The following KYAT1 variants were observed in gnomAD, a reference collection of about 807,000 sequenced individuals.
KYAT1 encodes kynurenine--oxoglutarate transaminase 1.
Under a neutral mutation model 52.4 loss-of-function variants are expected in KYAT1, and 47 were observed. The observed-to-expected ratio is 0.90, with a 90% CI of 0.71 to 1.14. The LOEUF is 1.14. Among genes scored for constraint, KYAT1 ranks in the 50% most tolerant of loss-of-function variants. The pLI, the probability that KYAT1 is intolerant of heterozygous loss-of-function variation, is 0.00. For missense variants in KYAT1, 480 were observed against 557.9 expected, an observed-to-expected ratio of 0.86 and a Z score of 1.41; for synonymous variants, 212 against 209.6, an observed-to-expected ratio of 1.01 and a Z score of -0.10.
intron 1 of KYAT1, among the ~76,000 whole-genome samples, chr9:128,876,406 G>GTTTTTTTT (rs1490341638): frequency 8.8e-6 from 1 of 113,170 alleles, no homozygotes; most frequent in Non-Finnish European, 1.9e-5. Flanking sequence ...GTCATCCTTT[G>GTTTTTTTT]TTCTTTTTTT....
rs779919496 is a variant in KYAT1 at position 128,845,341 on chromosome 9, C to T, written c.53+12G>A. On this transcript the variant is annotated intron_variant, in intron 2 of 12. Coordinates refer to ENST00000302586, the MANE Select transcript of KYAT1 (RefSeq NM_004059.5). Reference sequence around the variant, plus strand: ...GGGACACCCACACACCTCCCCAGCCCAGCTGGCTCACCAGGGGTTGTAGTC... The same window carrying T: ...GGGACACCCACACACCTCCCCAGCCTAGCTGGCTCACCAGGGGTTGTAGTC... 6.2e-6 allele frequency: 10 copies of T among 1,613,080 alleles called. No homozygotes were observed. The South Asian group carries it at 1.1e-4, about 18-fold the overall frequency.
intron 1 of KYAT1, among the ~76,000 whole-genome samples, chr9:128,867,998 C>T (rs1836652283): frequency 6.6e-6 from 1 of 152,130 alleles, no homozygotes; most frequent in East Asian, 1.9e-4. Context: ...TGGTCTCGAT[C>T]TCCTGACCTC....
chr9:128,864,507 A>G (rs931026283), intron 1 of KYAT1, among the ~76,000 whole-genome samples: 2 of 152,142 alleles, frequency 1.3e-5, no homozygotes, highest in East Asian at 3.9e-4. Flanking sequence ...CTCTGTACCC[A>G]TTAAACAATT....
rs768567642 is a variant in KYAT1, at chr9:128,842,807, T to C, written c.54-6A>G. On this transcript the variant is annotated splice_polypyrimidine_tract_variant and splice_region_variant and intron_variant, in intron 2 of 12. Coordinates refer to ENST00000302586, the MANE Select transcript of KYAT1 (RefSeq NM_004059.5). ...CCAGTTTCACAAACTCCACCCTGGG[T>C]AACAAATGGAGAATCAGCACCAGCC... 1 of 1,612,104 alleles carries C rather than the reference T, an allele frequency of 6.2e-7. No individual in the cohort carries two copies. Among genetic ancestry groups the C allele is most frequent in the Non-Finnish European group, 8.5e-7 (1 of 1,179,028 alleles).
At chr9:128,837,601 G>A (rs1831347769) in intron 6 of KYAT1, 84 bp downstream of exon 6, 6 of 1,505,260 alleles carry the variant, frequency 4.0e-6, no homozygotes, top group Admixed American at 1.8e-5. Context: ...CGAAGAAACG[G>A]AGGCCCCACA....
At chr9:128,880,694 A>C (rs897375180) in intron 1 of KYAT1, among the ~76,000 whole-genome samples, 1 of 151,884 alleles carries the variant, frequency 6.6e-6, no homozygotes, top group African/African-American at 2.4e-5. Context: ...CGCCCGCCTC[A>C]GCCTCCCAAA....
intron 1 of KYAT1, among the ~76,000 whole-genome samples, chr9:128,863,491 A>G (rs1212046360): frequency 6.6e-6 from 1 of 151,768 alleles, no homozygotes; most frequent in South Asian, 2.1e-4. Flanking sequence ...CCAAAACAAC[A>G]AAAGGATCCA....
chr9:128,858,772 C>T (rs1458209552), intron 1 of KYAT1, among the ~76,000 whole-genome samples: 1 of 151,852 alleles, frequency 6.6e-6, no homozygotes, highest in African/African-American at 2.4e-5. Context: ...CTTCGGGAGG[C>T]TGAGGTGGGC....
chr9:128,847,111 C>T (rs1833222885), intron 1 of KYAT1, among the ~76,000 whole-genome samples: 1 of 152,134 alleles, frequency 6.6e-6, no homozygotes, highest in Non-Finnish European at 1.5e-5. Context: ...TGAGTAAGTG[C>T]CAGGTCTTCC....
chr9:128,836,991 G>T (rs1831243824), intron 6 of KYAT1, 69 bp from the exon 7 acceptor site: 2 of 1,561,842 alleles, frequency 1.3e-6, no homozygotes. Flanking sequence ...CCTACTCAGA[G>T]AGGTTAAAGA....
chr9:128,846,337 C>A (rs1442234261), intron 1 of KYAT1, among the ~76,000 whole-genome samples: 1 of 152,094 alleles, frequency 6.6e-6, no homozygotes, highest in Admixed American at 6.6e-5. Flanking sequence ...GGCTGAGGCA[C>A]AAGAATCACT....
rs762306584 is a variant in KYAT1, at chr9:128,842,634, C to T, written c.201+20G>A. ...TCCCCTTCCTCCCCCAGTGCCTCCA[C>T]GAGAGATGGGGAGACTCACAAATGT... is the stretch of plus-strand genomic sequence containing the variant. On this transcript the variant is annotated intron_variant, in intron 3 of 12. Coordinates refer to ENST00000302586, the MANE Select transcript of KYAT1 (RefSeq NM_004059.5). 49 of 1,609,250 alleles carry T rather than the reference C, an allele frequency of 3.0e-5. No homozygotes were observed. Among genetic ancestry groups the T allele is most frequent in the Middle Eastern group, 1.6e-4 (1 of 6,062 alleles).
intron 1 of KYAT1, among the ~76,000 whole-genome samples, chr9:128,863,480 AC>A (rs544926438): frequency 4.3e-4 from 65 of 151,648 alleles, no homozygotes; most frequent in African/African-American, 1.3e-3. Context: ...AAAAAAAAAA[AC>A]CAAAACAACA....
At chr9:128,857,267 A>G (rs201491623) in intron 1 of KYAT1, among the ~76,000 whole-genome samples, 2 of 152,216 alleles carry the variant, frequency 1.3e-5, no homozygotes, top group East Asian at 1.9e-4. Flanking sequence ...CTGAGATAAT[A>G]AAAATAATAA....
intron 7 of KYAT1, among the ~76,000 whole-genome samples, chr9:128,836,480 G>A (rs1831143972): frequency 6.6e-6 from 1 of 151,856 alleles, no homozygotes. Flanking sequence ...TGTACTTTTA[G>A]TACAGACAGG....
chr9:128,868,787 C>T (rs1836795711), intron 1 of KYAT1, among the ~76,000 whole-genome samples: 1 of 150,084 alleles, frequency 6.7e-6, no homozygotes, highest in Non-Finnish European at 1.5e-5. Context: ...CTCACTACAA[C>T]CTCTGCCTCT....
chr9:128,879,331 G>C (rs1838485259), intron 1 of KYAT1, among the ~76,000 whole-genome samples: 7 of 151,916 alleles, frequency 4.6e-5, no homozygotes, highest in Admixed American at 4.6e-4. Flanking sequence ...AAGGAATTAT[G>C]CAGGGAACTG....
At chr9:128,847,611 C>T (rs1039167511) in intron 1 of KYAT1, 26 of 834,502 alleles carry the variant, frequency 3.1e-5, no homozygotes, top group African/African-American at 2.6e-4. Flanking sequence ...AAAATGCCTC[C>T]GAGCTCAGGA....
intron 1 of KYAT1, among the ~76,000 whole-genome samples, chr9:128,859,227 G>C (rs1479645311): frequency 6.6e-6 from 1 of 151,956 alleles, no homozygotes; most frequent in Non-Finnish European, 1.5e-5. Context: ...CAGGTGTGGT[G>C]GTGGGCACCT....
Sources: gnomAD v4.1 joint callset for allele counts (sites outside exome capture counted in the v4.1 genomes callset) on GRCh38, gnomAD v4.1.1 for gene constraint, MANE v1.5 for transcripts, NCBI Gene and HGNC (gene_info 2026-07-23, HGNC 2026-07-21) for gene names.